PARM1: variants seen among roughly 807,000 people sequenced by gnomAD.
PARM1 encodes the protein prostate androgen-regulated mucin-like protein 1.
Under a neutral mutation model 24.6 loss-of-function variants are expected in PARM1, and 14 were observed. The observed-to-expected ratio is 0.57, with a 90% CI of 0.38 to 0.89. The LOEUF is 0.89. Ranked by LOEUF, PARM1 falls within the 40% of genes least tolerant of loss-of-function variation. The probability of loss-of-function intolerance (pLI) is 0.00; values close to 1 mark genes in which losing one functional copy is unlikely to be tolerated. For synonymous variants in PARM1, 179 were observed against 156.6 expected (o/e 1.14, Z -1.07); for missense variants, 362 against 380.4 (o/e 0.95, Z 0.40).
chr4:74,943,363 G>T (rs1003771436), intron 1 of PARM1, among the ~76,000 whole-genome samples: 2 of 152,088 alleles, frequency 1.3e-5, no homozygotes, highest in African/African-American at 4.8e-5. Flanking sequence ...TGTTAAATTG[G>T]ATGATTAAAA....
At chr4:74,965,427 A>G (rs1260211780) in intron 1 of PARM1, 2 of 152,228 alleles carry the variant, frequency 1.3e-5, no homozygotes, top group Non-Finnish European at 2.9e-5. Context: ...AGGTGCTGTC[A>G]TTCCTTTGTA....
intron 3 of PARM1, among the ~76,000 whole-genome samples, chr4:75,038,462 G>A (rs973816655): frequency 1.3e-5 from 2 of 152,200 alleles, no homozygotes; most frequent in African/African-American, 4.8e-5. Context: ...GAGGTTGGGA[G>A]CACAGTCTCC....
chr4:75,030,861 T>C (rs918840945), intron 2 of PARM1, among the ~76,000 whole-genome samples: 5 of 152,108 alleles, frequency 3.3e-5, no homozygotes, highest in Non-Finnish European at 5.9e-5. Flanking sequence ...ACCTTCCTCA[T>C]TTTTTCTGTC....
At position 75,012,710 on chromosome 4, in the gene PARM1, C is replaced by G. The variant is rs375803068; in HGVS notation, c.329C>G (p.Ser110Trp). ...TNTDPSPSGF[S>W]STSGGVHLTT... The stretch of plus-strand genomic sequence containing the variant: ...ACAGACCCCTCACCTTCTGGGTTCT[C>G]GTCAACAAGCGGTGGAGTCCACTTA... Residue 110 changes from serine (S) to tryptophan (W), a missense_variant, in exon 2 of 4, where the codon TCG becomes TGG. Ser to Trp is a radical substitution (Grantham distance 177). Transcript: ENST00000307428. The G allele has an allele frequency of 6.2e-7, 1 of 1,613,860 alleles. No homozygotes were observed. The highest frequency in any genetic ancestry group is 8.5e-7 in the Non-Finnish European group (1 of 1,179,894).
chr4:75,012,984 C>T lies in PARM1; in HGVS notation c.603C>T (p.Ser201=), dbSNP rs1314712088. ...TAPESPTEES[S]SDHTPTSHAT... Reference sequence around the variant, plus strand: ...CAGAGTCCCCGACAGAGGAGTCCAGCTCTGACCACACACCCACTTCACATG... The same window carrying T: ...CAGAGTCCCCGACAGAGGAGTCCAGTTCTGACCACACACCCACTTCACATG... The change falls in exon 2 of 4, where the codon AGC becomes AGT. Residue 201 remains serine (S), a synonymous_variant. Coordinates refer to ENST00000307428, the MANE Select transcript of PARM1 (RefSeq NM_015393.4). 1.2e-6 allele frequency: 2 copies of T among 1,614,036 alleles called. No individual in the cohort carries two copies. Among genetic ancestry groups the T allele is most frequent in the Non-Finnish European group, 1.7e-6 (2 of 1,179,904 alleles).
At chr4:75,033,737 A>G (rs141474992) in intron 2 of PARM1, 146 bp from the exon 3 acceptor site, 8 of 529,258 alleles carry the variant, frequency 1.5e-5, no homozygotes, top group Non-Finnish European at 2.6e-5. Context: ...CTAGCTGTGA[A>G]TGTCATGCAG....
chr4:74,936,974 C>G (rs1721207125), intron 1 of PARM1, among the ~76,000 whole-genome samples: 1 of 152,270 alleles, frequency 6.6e-6, no homozygotes, highest in African/African-American at 2.4e-5. Flanking sequence ...TACCCAGGCA[C>G]CCTGCGCAGA....
chr4:74,957,836 T>C (rs947053745), intron 1 of PARM1, among the ~76,000 whole-genome samples: 7 of 152,208 alleles, frequency 4.6e-5, no homozygotes, highest in African/African-American at 1.7e-4. Context: ...CAGGGAGGGA[T>C]TGAAGCTAGA....
At chr4:75,035,422 GCA>G (rs888709849) in intron 3 of PARM1, among the ~76,000 whole-genome samples, 1 of 152,044 alleles carries the variant, frequency 6.6e-6, no homozygotes, top group African/African-American at 2.4e-5. Flanking sequence ...GCACTGTGGC[GCA>G]CACACACAGA....
chr4:75,031,262 A>G (rs1466992335), intron 2 of PARM1, among the ~76,000 whole-genome samples: 1 of 152,350 alleles, frequency 6.6e-6, no homozygotes, highest in South Asian at 2.1e-4. Context: ...AGTGGTTCAA[A>G]TATTTAATTA....
At position 75,012,967 on chromosome 4, in the gene PARM1, C is replaced by T; in HGVS notation, c.586C>T (p.Pro196Ser). 3 of 1,613,938 alleles carry T rather than the reference C, an allele frequency of 1.9e-6. No homozygotes were observed. The highest frequency in any genetic ancestry group is 1.7e-6 in the Non-Finnish European group (2 of 1,179,864). Residue 196 changes from proline to serine, a missense_variant, in exon 2 of 4, where the codon CCG becomes TCG. Transcript: ENST00000307428. ...PTGAPTAPESPTEESSSDHTP... is the reference protein window; with the variant it reads ...PTGAPTAPESSTEESSSDHTP... ...TGGAGCTCCAACTGCACCAGAGTCC[C>T]CGACAGAGGAGTCCAGCTCTGACCA...
intron 1 of PARM1, among the ~76,000 whole-genome samples, chr4:74,952,338 G>T (rs1213209236): frequency 2.6e-5 from 4 of 151,936 alleles, no homozygotes; most frequent in African/African-American, 9.7e-5. Context: ...CTGGATATTA[G>T]CCCTTTGTCA....
At chr4:75,013,811 A>G (rs1722927884) in intron 2 of PARM1, among the ~76,000 whole-genome samples, 1 of 152,214 alleles carries the variant, frequency 6.6e-6, no homozygotes, top group African/African-American at 2.4e-5. Flanking sequence ...CCCAATAATT[A>G]TATGAAGTTA....
intron 1 of PARM1, chr4:74,997,760 A>G (rs2109784342): frequency 6.6e-6 from 1 of 152,306 alleles, no homozygotes; most frequent in Non-Finnish European, 1.5e-5. Context: ...GCATGTGTAT[A>G]TTTGGGGTGT....
intron 2 of PARM1, among the ~76,000 whole-genome samples, chr4:75,029,522 C>T (rs1723239768): frequency 6.6e-6 from 1 of 152,178 alleles, no homozygotes; most frequent in African/African-American, 2.4e-5. Flanking sequence ...TCTTGCCTGC[C>T]ACCATGTAAG....
intron 2 of PARM1, among the ~76,000 whole-genome samples, chr4:75,024,471 C>T (rs373136035): frequency 2.0e-5 from 3 of 152,230 alleles, no homozygotes. Context: ...AAAAGATAAA[C>T]TTGCACACTG....
intron 1 of PARM1, among the ~76,000 whole-genome samples, chr4:75,003,980 CAAA>C (rs1378597632): frequency 6.6e-6 from 1 of 151,942 alleles, no homozygotes; most frequent in Non-Finnish European, 1.5e-5. Context: ...AGGTGGTCAC[CAAA>C]AGCTGGTGAC....
At chr4:75,038,283 A>T (rs1723410966) in intron 3 of PARM1, among the ~76,000 whole-genome samples, 1 of 152,266 alleles carries the variant, frequency 6.6e-6, no homozygotes, top group Non-Finnish European at 1.5e-5. Flanking sequence ...TAATAATAGT[A>T]CCTAACTCAA....
intron 2 of PARM1, among the ~76,000 whole-genome samples, chr4:75,019,745 T>C (rs1723053051): frequency 6.6e-6 from 1 of 152,016 alleles, no homozygotes; most frequent in Non-Finnish European, 1.5e-5. Context: ...GGCTCACGCC[T>C]GTAATCCCAG....
Sources: allele counts gnomAD v4.1 joint callset (sites outside exome capture counted in the v4.1 genomes callset), GRCh38; gene constraint gnomAD v4.1.1; transcripts MANE v1.5; gene names NCBI Gene and HGNC (gene_info 2026-07-23, HGNC 2026-07-21).